PLXDC2: variants seen among roughly 807,000 people sequenced by gnomAD.
PLXDC2 encodes plexin domain containing 2.
Under a neutral mutation model 68.9 loss-of-function variants are expected in PLXDC2, and 40 were observed. The observed-to-expected ratio is 0.58, with a 90% CI of 0.45 to 0.76. The LOEUF (loss-of-function observed/expected upper bound fraction) is 0.76, where lower values mean the gene tolerates loss of function less well. Among genes scored for constraint, PLXDC2 ranks in the 30% least tolerant of loss-of-function variants. The pLI, the probability that PLXDC2 is intolerant of heterozygous loss-of-function variation, is 0.00. For synonymous variants in PLXDC2, 243 were observed against 234.2 expected (o/e 1.04, Z -0.34); for missense variants, 644 against 661.9 (o/e 0.97, Z 0.30).
At chr10:19,886,334 A>T (rs1837845572) in intron 1 of PLXDC2, among the ~76,000 whole-genome samples, 1 of 152,134 alleles carries the variant, frequency 6.6e-6, no homozygotes, top group African/African-American at 2.4e-5. Flanking sequence ...TTCCTGATTG[A>T]ATACCCTTTA....
At chr10:19,855,306 G>A (rs377234788) in intron 1 of PLXDC2, among the ~76,000 whole-genome samples, 41 of 151,996 alleles carry the variant, frequency 2.7e-4, no homozygotes, top group Non-Finnish European at 5.0e-4. Flanking sequence ...TCAAATTATC[G>A]TCAATGGTTG....
chr10:20,232,864 A>G (rs1216734484), intron 12 of PLXDC2, among the ~76,000 whole-genome samples: 1 of 152,174 alleles, frequency 6.6e-6, no homozygotes, highest in Non-Finnish European at 1.5e-5. Flanking sequence ...AAATTCCTGC[A>G]TTTCAAATAT....
At chr10:20,225,432 TA>T (rs1396378369) in intron 12 of PLXDC2, among the ~76,000 whole-genome samples, 2 of 152,110 alleles carry the variant, frequency 1.3e-5, no homozygotes, top group Admixed American at 1.3e-4. Context: ...GGGAAACTGT[TA>T]TTTCATTTTA....
chr10:20,029,975 C>G (rs1835471995), intron 2 of PLXDC2, among the ~76,000 whole-genome samples: 1 of 152,056 alleles, frequency 6.6e-6, no homozygotes, highest in African/African-American at 2.4e-5. Flanking sequence ...TTGAATTTGG[C>G]TTTTAAATTC....
chr10:20,150,094 T>C (rs1042882985), intron 6 of PLXDC2, among the ~76,000 whole-genome samples: 2 of 152,172 alleles, frequency 1.3e-5, no homozygotes. Flanking sequence ...TACATTGACA[T>C]TGACACATCA....
At chr10:19,878,247 G>A (rs1837670224) in intron 1 of PLXDC2, among the ~76,000 whole-genome samples, 1 of 151,418 alleles carries the variant, frequency 6.6e-6, no homozygotes, top group African/African-American at 2.4e-5. Flanking sequence ...TGTCACCCAG[G>A]CTGGCATGAG....
At chr10:20,092,119 G>T (rs1833287561) in intron 4 of PLXDC2, among the ~76,000 whole-genome samples, 2 of 152,178 alleles carry the variant, frequency 1.3e-5, no homozygotes, top group Non-Finnish European at 1.5e-5. Context: ...AATGCTTTCT[G>T]TGGAGAAAAG....
intron 4 of PLXDC2, among the ~76,000 whole-genome samples, chr10:20,106,454 G>A (rs530270710): frequency 6.6e-6 from 1 of 152,212 alleles, no homozygotes; most frequent in South Asian, 2.1e-4. Context: ...CTGACACATT[G>A]GCCAGTGCTG....
chr10:19,984,530 G>T (rs1204143817), intron 1 of PLXDC2, among the ~76,000 whole-genome samples: 1 of 152,166 alleles, frequency 6.6e-6, no homozygotes, highest in Non-Finnish European at 1.5e-5. Context: ...ACATGTGTAG[G>T]GTAGAAACAT....
At chr10:20,107,203 C>G (rs1039490346) in intron 4 of PLXDC2, among the ~76,000 whole-genome samples, 1 of 151,752 alleles carries the variant, frequency 6.6e-6, no homozygotes, top group Non-Finnish European at 1.5e-5. Context: ...ATATTTTCTC[C>G]ATAGGATAGC....
intron 2 of PLXDC2, among the ~76,000 whole-genome samples, chr10:20,031,899 C>T (rs182937818): frequency 1.3e-5 from 2 of 152,042 alleles, no homozygotes; most frequent in Admixed American, 6.6e-5. Context: ...AATCTCGGCC[C>T]ACTGCAACCT....
At chr10:20,170,707 C>A (rs1159610639) in intron 7 of PLXDC2, among the ~76,000 whole-genome samples, 1 of 151,936 alleles carries the variant, frequency 6.6e-6, no homozygotes, top group East Asian at 1.9e-4. Context: ...CATGTGGCTA[C>A]TATGAACTTG....
chr10:20,008,924 C>G (rs1835068207), intron 2 of PLXDC2, among the ~76,000 whole-genome samples: 1 of 152,172 alleles, frequency 6.6e-6, no homozygotes, highest in Non-Finnish European at 1.5e-5. Context: ...GCCTCTCCAG[C>G]CGTGTGGAAC....
chr10:20,066,897 A>G (rs1255036802), intron 3 of PLXDC2, among the ~76,000 whole-genome samples: 1 of 152,172 alleles, frequency 6.6e-6, no homozygotes, highest in Non-Finnish European at 1.5e-5. Flanking sequence ...GCCTGTTATT[A>G]TAGGTAGTTT....
intron 1 of PLXDC2, among the ~76,000 whole-genome samples, chr10:19,862,308 G>T (rs1216218767): frequency 2.6e-5 from 4 of 152,148 alleles, no homozygotes; most frequent in Non-Finnish European, 1.5e-5. Flanking sequence ...CTCAGATACG[G>T]TGTTTTTATG....
chr10:20,037,774 G>A (rs1196539468), intron 2 of PLXDC2, among the ~76,000 whole-genome samples: 2 of 152,118 alleles, frequency 1.3e-5, no homozygotes, highest in African/African-American at 4.8e-5. Flanking sequence ...ACCCAACTCG[G>A]CATAGCAGAG....
intron 4 of PLXDC2, among the ~76,000 whole-genome samples, chr10:20,082,152 T>C (rs1240196623): frequency 4.0e-5 from 6 of 150,928 alleles, no homozygotes; most frequent in African/African-American, 1.5e-4. Context: ...TGTCATATTG[T>C]GGATATAATT....
intron 4 of PLXDC2, among the ~76,000 whole-genome samples, chr10:20,126,814 T>G (rs4026636): frequency 0.2 from 5,518 of 27,302 alleles, 350 homozygotes; most frequent in Non-Finnish European, 0.25. Context: ...TATGTATATA[T>G]AACATATATG....
intron 10 of PLXDC2, among the ~76,000 whole-genome samples, chr10:20,214,104 C>T (rs1026285846): frequency 1.3e-5 from 2 of 152,140 alleles, no homozygotes; most frequent in East Asian, 1.9e-4. Context: ...ACACTTATTA[C>T]ATCTGCCAAG....
Sources: gnomAD v4.1 joint callset for allele counts (sites outside exome capture counted in the v4.1 genomes callset) on GRCh38, gnomAD v4.1.1 for gene constraint, MANE v1.5 for transcripts, NCBI Gene and HGNC (gene_info 2026-07-23, HGNC 2026-07-21) for gene names.